MDGA1: variants seen among roughly 807,000 people sequenced by gnomAD.
MDGA1 encodes MAM domain containing glycosylphosphatidylinositol anchor 1.
MDGA1 carries 54 observed loss-of-function variants against 101.5 expected under a neutral mutation model. The observed-to-expected ratio is 0.53, with a 90% CI of 0.43 to 0.67. The LOEUF is 0.67. Ranked by LOEUF, MDGA1 falls within the 30% of genes least tolerant of loss-of-function variation. MDGA1 has a pLI of 0.00. For synonymous variants in MDGA1, 533 were observed against 558.3 expected (o/e 0.95, Z 0.64); for missense variants, 1,083 against 1,323.8 (o/e 0.82, Z 2.82).
chr6:37,693,535 G>A, intron 1 of MDGA1, among the ~76,000 whole-genome samples: 1 of 152,182 alleles, frequency 6.6e-6, no homozygotes, highest in East Asian at 1.9e-4. Context: ...AATAATTCAG[G>A]GGTTTGTTGT....
At position 37,658,505 on chromosome 6, in the gene MDGA1, C is replaced by T. The variant is rs1315686192; in HGVS notation, c.208-86G>A. The stretch of plus-strand genomic sequence containing the variant: ...GCTGAGTGCCCTGCAACGGCACCCC[C>T]TTTCTCCCATACTTTTTCACAAGCG... On this transcript the variant is annotated intron_variant, in intron 2 of 16. Coordinates refer to ENST00000434837, the MANE Select transcript of MDGA1 (RefSeq NM_153487.4). 2.2e-6 allele frequency: 3 copies of T among 1,360,298 alleles called. 1 individual carries two copies. In the South Asian group the frequency reaches 4.2e-5, roughly 19 times the overall value. 84.3% of individuals were successfully genotyped at this position (1,360,298 alleles called of 1,614,324 possible).
chr6:37,644,112 A>C (rs1581845844), intron 13 of MDGA1, among the ~76,000 whole-genome samples, 169 bp from the exon 14 acceptor site: 2 of 24,542 alleles, frequency 8.1e-5, no homozygotes, highest in Non-Finnish European at 1.2e-4. Flanking sequence ...GCCTCACCCC[A>C]CGCATCCTGC....
intron 8 of MDGA1, 142 bp from the exon 9 acceptor site, chr6:37,649,408 A>C: frequency 7.4e-7 from 1 of 1,359,584 alleles, no homozygotes. Context: ...CACTCGCAAC[A>C]CATCCCTCCA....
At chr6:37,640,018 G>C (rs1489565721) in intron 14 of MDGA1, among the ~76,000 whole-genome samples, 1 of 152,224 alleles carries the variant, frequency 6.6e-6, no homozygotes, top group Non-Finnish European at 1.5e-5. Flanking sequence ...AAATAGGGAA[G>C]GGAAGATGTG....
chr6:37,647,308 C>G lies in MDGA1; in HGVS notation c.1911G>C (p.Pro637=). 6.5e-7 allele frequency: 1 copy of G among 1,547,416 alleles called. No homozygotes were observed. Residue 637 remains proline (P), a synonymous_variant, in exon 10 of 17, where the codon CCG becomes CCC. Coordinates refer to ENST00000434837, the MANE Select transcript of MDGA1 (RefSeq NM_153487.4). ...LFQVSAKAYS[P]EFYFDTPNPT... is the part of the protein sequence containing the mutation. The stretch of plus-strand genomic sequence containing the variant: ...GGTTGGGGGTGTCGAAGTAAAACTC[C>G]GGGCTGTAGGCTTTGGCTAAGAGGG...
At chr6:37,643,352 AACCTTCACC>A (rs1013910935) in intron 14 of MDGA1, 14 of 158,754 alleles carry the variant, frequency 8.8e-5, no homozygotes, top group Non-Finnish European at 1.8e-4. Flanking sequence ...AGCTCACTGC[AACCTTCACC>A]ACCTGGGTTC....
At chr6:37,654,123 A>G in intron 6 of MDGA1, 151 bp downstream of exon 6, 2 of 803,568 alleles carry the variant, frequency 2.5e-6, no homozygotes, top group South Asian at 2.9e-5. Flanking sequence ...GCTGAATTGC[A>G]GGGAAATCGA....
In MDGA1 at chr6:37,638,180, C is replaced by T; in HGVS notation, c.2776+25G>A. ...CGCACAGCTCCCTCCAGATTCAGCT[C>T]CCCCACCTCCTTCCCGTCTTGCACC... is the stretch of plus-strand genomic sequence containing the variant. On this transcript the variant is annotated intron_variant, in intron 16 of 16. Coordinates refer to ENST00000434837, the MANE Select transcript of MDGA1 (RefSeq NM_153487.4). This position sits in a 1 kb window ranked among gnomAD's most constrained non-coding sequence, Gnocchi z 4.8. 1 of 1,597,240 alleles carries T rather than the reference C, an allele frequency of 6.3e-7. No individual in the cohort carries two copies. Among genetic ancestry groups the T allele is most frequent in the Non-Finnish European group, 8.6e-7 (1 of 1,164,980 alleles).
intron 10 of MDGA1, among the ~76,000 whole-genome samples, chr6:37,646,911 C>G (rs538122615): frequency 2.0e-5 from 3 of 152,294 alleles, no homozygotes; most frequent in Non-Finnish European, 4.4e-5. Context: ...GGCTCCCTCC[C>G]CCACGAACCC....
chr6:37,688,507 C>G (rs900742804), intron 1 of MDGA1, among the ~76,000 whole-genome samples: 1 of 152,232 alleles, frequency 6.6e-6, no homozygotes, highest in Admixed American at 6.5e-5. Flanking sequence ...ACCACCCAGC[C>G]ACCAAGGTCA....
chr6:37,696,110 G>A lies in MDGA1; in HGVS notation c.67+635C>T, dbSNP rs1339655154. ...TGGCTGAATGTATCTGTGTGTGCGCGCAGGAAGGAAGGTGGGGTTGGGGTT... is the reference window on the plus strand; with the variant it reads ...TGGCTGAATGTATCTGTGTGTGCGCACAGGAAGGAAGGTGGGGTTGGGGTT... On this transcript the variant is annotated intron_variant, in intron 1 of 16. Transcript: ENST00000434837. This position sits in a 1 kb window ranked among gnomAD's most constrained non-coding sequence, Gnocchi z 5.6. 6.6e-6 allele frequency among the ~76,000 whole-genome samples: 1 copy of A among 152,212 alleles called. No homozygotes were observed. Among genetic ancestry groups the A allele is most frequent in the Non-Finnish European group, 1.5e-5 (1 of 68,030 alleles).
intron 1 of MDGA1, among the ~76,000 whole-genome samples, chr6:37,676,060 T>G (rs955171870): frequency 4.6e-5 from 7 of 152,232 alleles, no homozygotes; most frequent in African/African-American, 1.7e-4. Context: ...TGGAATGCCC[T>G]GCGCATAGTG....
At chr6:37,654,218 AC>A in intron 6 of MDGA1, 55 bp downstream of exon 6, 1 of 1,490,470 alleles carries the variant, frequency 6.7e-7, no homozygotes, top group Non-Finnish European at 8.9e-7. Context: ...GCTCCCAAAG[AC>A]CAGGGACCTT....
chr6:37,662,076 T>C (rs1388206508), intron 2 of MDGA1, among the ~76,000 whole-genome samples: 1 of 149,394 alleles, frequency 6.7e-6, no homozygotes, highest in Non-Finnish European at 1.5e-5. Context: ...GGGGGAAGGA[T>C]TGCTTGAGCC....
chr6:37,639,046 GA>G (rs1180348546), intron 14 of MDGA1: 1 of 213,696 alleles, frequency 4.7e-6, no homozygotes, highest in Non-Finnish European at 9.7e-6. Context: ...GGTTTCCAAA[GA>G]AAACAGTGTG....
chr6:37,650,283 C>A lies in MDGA1; in HGVS notation c.1435G>T (p.Asp479Tyr), dbSNP rs1340527669. Residue 479 changes from aspartate to tyrosine, a missense_variant, in exon 8 of 17, where the codon GAC (aspartate) becomes TAC (tyrosine). Asp to Tyr is a radical substitution (Grantham distance 160). Coordinates refer to ENST00000434837, the MANE Select transcript of MDGA1 (RefSeq NM_153487.4). Reference protein sequence around the residue: ...PRPPVLWSRVDKEAALLPSGL... With the variant: ...PRPPVLWSRVYKEAALLPSGL... ...GAGGGCAGCAGTGCAGCCTCCTTGT[C>A]CACGCGGGACCAGAGCACTGGCGGC... 6.2e-7 allele frequency: 1 copy of A among 1,605,426 alleles called. No homozygotes were observed. Among genetic ancestry groups the A allele is most frequent in the South Asian group, 1.1e-5 (1 of 90,070 alleles).
At chr6:37,685,984 G>T (rs1045192491) in intron 1 of MDGA1, among the ~76,000 whole-genome samples, 1 of 152,080 alleles carries the variant, frequency 6.6e-6, no homozygotes, top group African/African-American at 2.4e-5. Flanking sequence ...AACACCAACT[G>T]CCCCTAAAAC....
chr6:37,640,065 G>T (rs1294530417), intron 14 of MDGA1, among the ~76,000 whole-genome samples: 1 of 152,218 alleles, frequency 6.6e-6, no homozygotes, highest in Non-Finnish European at 1.5e-5. Flanking sequence ...GCAGAGAGTG[G>T]TCTGGGCCTG....
At chr6:37,685,477 G>A (rs1762178606) in intron 1 of MDGA1, among the ~76,000 whole-genome samples, 1 of 152,162 alleles carries the variant, frequency 6.6e-6, no homozygotes. Flanking sequence ...ACAGCAGTGG[G>A]GCTGCTTGGT....
Sources: allele counts gnomAD v4.1 joint callset (sites outside exome capture counted in the v4.1 genomes callset), GRCh38; gene constraint gnomAD v4.1.1; non-coding constraint Gnocchi (gnomAD v3.1); transcripts MANE v1.5; gene names NCBI Gene and HGNC (gene_info 2026-07-23, HGNC 2026-07-21).